Variants in PIP5K1B observed in about 807,000 individuals in gnomAD.
PIP5K1B encodes phosphatidylinositol-4-phosphate 5-kinase type 1 beta.
In PIP5K1B, 42 loss-of-function variants were observed where a neutral mutation model predicts 67.0. The observed-to-expected ratio is 0.63, with a 90% CI of 0.49 to 0.81. The LOEUF (loss-of-function observed/expected upper bound fraction) is 0.81, where lower values mean the gene tolerates loss of function less well. Among genes scored for constraint, PIP5K1B ranks in the 30% least tolerant of loss-of-function variants. The probability of loss-of-function intolerance (pLI) is 0.00; values close to 1 mark genes in which losing one functional copy is unlikely to be tolerated. For synonymous variants in PIP5K1B, 214 were observed against 231.4 expected (o/e 0.92, Z 0.68); for missense variants, 459 against 646.3 (o/e 0.71, Z 3.14).
chr9:68,886,521 C>A (rs1824485672), intron 6 of PIP5K1B, among the ~76,000 whole-genome samples: 2 of 152,176 alleles, frequency 1.3e-5, no homozygotes, highest in Non-Finnish European at 1.5e-5. Context: ...GTAAGATAGT[C>A]ACAGTTTCTG....
At chr9:68,788,267 G>C in intron 2 of PIP5K1B, 1 of 526,258 alleles carries the variant, frequency 1.9e-6, no homozygotes, top group African/African-American at 2.0e-5. Flanking sequence ...GATAAGAAAT[G>C]AAAAAGTGTT....
intron 9 of PIP5K1B, 64 bp from the exon 10 acceptor site, chr9:68,919,415 G>T (rs1009042610): frequency 3.9e-6 from 3 of 773,964 alleles, no homozygotes; most frequent in South Asian, 4.0e-5. Flanking sequence ...TATTAGAAAT[G>T]ATTTTTTAAC....
At position 68,753,515 on chromosome 9, in the gene PIP5K1B, C is replaced by CTTTTT. The variant is rs71500334; in HGVS notation, c.-86+10881_-86+10885dup. On this transcript the variant is annotated intron_variant, in intron 2 of 15. Transcript: ENST00000265382. Reference sequence around the variant, plus strand: ...CCACCATGCCCGGCTAATTTTGTTTCTTTTTTTTTTTTTTTTTTTTTTTTT... The same window carrying CTTTTT: ...CCACCATGCCCGGCTAATTTTGTTTCTTTTTTTTTTTTTTTTTTTTTTTTTTTTTT... 1.4e-3 allele frequency among the ~76,000 whole-genome samples: 52 copies of CTTTTT among 38,278 alleles called. 12 individuals are homozygous for CTTTTT. Among genetic ancestry groups the CTTTTT allele is most frequent in the South Asian group, 2.0e-3 (1 of 508 alleles). 25.1% of individuals were successfully genotyped at this position (38,278 alleles called of 152,430 possible).
chr9:68,853,241 C>T (rs1267641160), intron 4 of PIP5K1B, among the ~76,000 whole-genome samples: 1 of 152,180 alleles, frequency 6.6e-6, no homozygotes, highest in African/African-American at 2.4e-5. Context: ...GGGATGGAAG[C>T]ATAATCATAT....
intron 1 of PIP5K1B, among the ~76,000 whole-genome samples, chr9:68,736,199 C>T (rs1248282960): frequency 6.6e-6 from 1 of 152,122 alleles, no homozygotes; most frequent in African/African-American, 2.4e-5. Context: ...GGAATAGGGT[C>T]ATCTGATTTC....
chr9:68,764,159 T>C (rs976725612), intron 2 of PIP5K1B, among the ~76,000 whole-genome samples: 5 of 149,486 alleles, frequency 3.3e-5, no homozygotes, highest in Non-Finnish European at 7.4e-5. Flanking sequence ...TTCCAGTTCA[T>C]CTTGATTTTT....
At chr9:68,921,651 G>T (rs1397054396) in intron 11 of PIP5K1B, among the ~76,000 whole-genome samples, 1 of 152,126 alleles carries the variant, frequency 6.6e-6, no homozygotes, top group East Asian at 1.9e-4. Context: ...AGGAGTTCGA[G>T]ACCAGCCTGG....
chr9:68,759,712 T>C (rs1166212583), intron 2 of PIP5K1B, among the ~76,000 whole-genome samples: 3 of 152,104 alleles, frequency 2.0e-5, no homozygotes, highest in Non-Finnish European at 4.4e-5. Flanking sequence ...AGATGTGCAG[T>C]AAGTATAAAC....
intron 2 of PIP5K1B, among the ~76,000 whole-genome samples, chr9:68,809,278 T>TTTGTTG (rs78628915): frequency 0.096 from 14,600 of 152,062 alleles, 837 homozygotes; most frequent in Non-Finnish European, 0.14. Flanking sequence ...TCTCCTGCTT[T>TTTGTTG]TTGTTGTTGT....
At chr9:68,926,819 G>A (rs188457054) in intron 12 of PIP5K1B, among the ~76,000 whole-genome samples, 18 of 151,902 alleles carry the variant, frequency 1.2e-4, no homozygotes, top group Non-Finnish European at 2.5e-4. Flanking sequence ...TGATCTACCC[G>A]CCTCAGCCTC....
chr9:68,959,425 T>C (rs1305523363), intron 14 of PIP5K1B, among the ~76,000 whole-genome samples: 1 of 152,198 alleles, frequency 6.6e-6, no homozygotes, highest in Non-Finnish European at 1.5e-5. Flanking sequence ...AGGACTATTA[T>C]TAAAACCACC....
At chr9:68,813,388 A>G (rs191638409) in intron 2 of PIP5K1B, among the ~76,000 whole-genome samples, 2 of 152,334 alleles carry the variant, frequency 1.3e-5, no homozygotes, top group African/African-American at 4.8e-5. Flanking sequence ...AGTAGCTTAG[A>G]GTGGAGCAGG....
In PIP5K1B at chr9:68,822,637, G is replaced by A; in HGVS notation, c.23G>A (p.Gly8Glu). 1 of 1,613,392 alleles carries A rather than the reference G, an allele frequency of 6.2e-7. No homozygotes were observed. The highest frequency in any genetic ancestry group is 1.7e-4 in the Middle Eastern group (1 of 6,034). Reference protein sequence around the residue: MSSAAENGEAAPGKQNEE... With the variant: MSSAAENEEAAPGKQNEE... ...TAGATGTCTTCTGCTGCTGAAAATGGAGAGGCAGCACCTGGAAAACAAAAT... is the reference window on the plus strand; with the variant it reads ...TAGATGTCTTCTGCTGCTGAAAATGAAGAGGCAGCACCTGGAAAACAAAAT... The change falls in exon 4 of 16, where the codon GGA becomes GAA. Residue 8 changes from glycine (G) to glutamate (E), a missense_variant. By Grantham distance (98) the Gly-to-Glu change is moderately conservative. This residue lies in a region of PIP5K1B where 290 missense variants were observed against 474.4 expected (regional missense o/e 0.61). Transcript: ENST00000265382.
intron 1 of PIP5K1B, chr9:68,739,901 T>A (rs948359632): frequency 6.6e-6 from 1 of 152,334 alleles, no homozygotes; most frequent in Non-Finnish European, 1.5e-5. Flanking sequence ...AGGTACATTC[T>A]GGGGTCATGT....
intron 2 of PIP5K1B, among the ~76,000 whole-genome samples, chr9:68,751,668 G>T (rs1034802310): frequency 1.3e-5 from 2 of 152,194 alleles, no homozygotes; most frequent in Admixed American, 6.5e-5. Flanking sequence ...AATGATTTTA[G>T]AATAGAATGA....
intron 11 of PIP5K1B, among the ~76,000 whole-genome samples, chr9:68,920,233 A>C (rs112317447): frequency 0.018 from 2,725 of 152,296 alleles, 70 homozygotes; most frequent in African/African-American, 0.059. Flanking sequence ...TGGTGTGAAC[A>C]TGGGACAAAA....
intron 4 of PIP5K1B, among the ~76,000 whole-genome samples, chr9:68,833,001 C>T (rs1336637190): frequency 3.9e-5 from 6 of 152,326 alleles, no homozygotes; most frequent in Admixed American, 1.3e-4. Flanking sequence ...ATTTGACTTA[C>T]GTCCATGTAC....
intron 8 of PIP5K1B, among the ~76,000 whole-genome samples, chr9:68,903,772 A>C (rs1825478425): frequency 6.6e-6 from 1 of 152,220 alleles, no homozygotes. Context: ...ATTTTACAGA[A>C]TATGCTCTTC....
At chr9:68,802,953 A>C (rs1189742351) in intron 2 of PIP5K1B, among the ~76,000 whole-genome samples, 1 of 152,210 alleles carries the variant, frequency 6.6e-6, no homozygotes, top group Non-Finnish European at 1.5e-5. Flanking sequence ...AATGTTGTTC[A>C]CCAACAAGGC....
Sources: gnomAD v4.1 joint callset for allele counts (sites outside exome capture counted in the v4.1 genomes callset) on GRCh38, gnomAD v4.1.1 for gene constraint, gnomAD v4.1.1 regional missense constraint, MANE v1.5 for transcripts, NCBI Gene and HGNC (gene_info 2026-07-23, HGNC 2026-07-21) for gene names.